The following CCDC148 variants were observed in gnomAD, a reference collection of about 807,000 sequenced individuals.
The protein encoded by CCDC148 is coiled-coil domain containing 148.
CCDC148 carries 89 observed loss-of-function variants against 85.7 expected under a neutral mutation model. That is an observed-to-expected ratio of 1.04 (90% CI 0.87 to 1.24). The LOEUF is 1.24. Ranked by LOEUF, CCDC148 falls within the 50% of genes most tolerant of loss-of-function variation. CCDC148 has a pLI of 0.00. For synonymous variants in CCDC148, 230 were observed against 213.9 expected (o/e 1.08, Z -0.66); for missense variants, 692 against 671.7 (o/e 1.03, Z -0.33).
intron 7 of CCDC148, among the ~76,000 whole-genome samples, chr2:158,317,741 C>T (rs116005835): frequency 0.012 from 1,767 of 152,254 alleles, 19 homozygotes; most frequent in South Asian, 0.034. Flanking sequence ...GTAACAGATA[C>T]TTTAACAACA....
chr2:158,288,674 C>T (rs1324499012), intron 9 of CCDC148: 1 of 238,588 alleles, frequency 4.2e-6, no homozygotes, highest in Non-Finnish European at 8.3e-6. Flanking sequence ...CCCACATTTT[C>T]CCGTCTTCTT....
intron 11 of CCDC148, among the ~76,000 whole-genome samples, chr2:158,220,111 T>C (rs1175075012): frequency 6.6e-6 from 1 of 152,218 alleles, no homozygotes; most frequent in East Asian, 1.9e-4. Flanking sequence ...CCTTTCCAGA[T>C]CTAAAATTAC....
At chr2:158,262,567 G>A (rs924232334) in intron 9 of CCDC148, among the ~76,000 whole-genome samples, 6 of 152,000 alleles carry the variant, frequency 3.9e-5, no homozygotes, top group Admixed American at 3.9e-4. Flanking sequence ...AAGAAAAGAA[G>A]TTTCATTGAC....
chr2:158,360,333 C>T (rs897380650), intron 1 of CCDC148, among the ~76,000 whole-genome samples: 1 of 152,180 alleles, frequency 6.6e-6, no homozygotes, highest in Admixed American at 6.5e-5. Flanking sequence ...AGGGGTCAGA[C>T]TGCCTCCTCA....
At chr2:158,300,524 C>T (rs1255586619) in intron 9 of CCDC148, among the ~76,000 whole-genome samples, 2 of 152,144 alleles carry the variant, frequency 1.3e-5, no homozygotes, top group African/African-American at 4.8e-5. Flanking sequence ...CTGTATCAGA[C>T]ATTTGAGCTG....
At chr2:158,294,640 A>G (rs1052889062) in intron 9 of CCDC148, among the ~76,000 whole-genome samples, 8 of 152,112 alleles carry the variant, frequency 5.3e-5, no homozygotes, top group African/African-American at 1.9e-4. Flanking sequence ...CCGGGGCAAC[A>G]TGGTGAAACC....
At chr2:158,182,845 A>C (rs1684969849) in intron 11 of CCDC148, among the ~76,000 whole-genome samples, 1 of 152,164 alleles carries the variant, frequency 6.6e-6, no homozygotes, top group Non-Finnish European at 1.5e-5. Context: ...AACTCCTGGG[A>C]GGAAGCCAAA....
At chr2:158,389,921 GA>G (rs1685237000) in intron 1 of CCDC148, among the ~76,000 whole-genome samples, 1 of 152,118 alleles carries the variant, frequency 6.6e-6, no homozygotes, top group South Asian at 2.1e-4. Flanking sequence ...TGCCTTTCCA[GA>G]AACAGAAAAG....
chr2:158,219,143 T>G (rs1432831869), intron 11 of CCDC148, among the ~76,000 whole-genome samples: 1 of 152,198 alleles, frequency 6.6e-6, no homozygotes, highest in African/African-American at 2.4e-5. Context: ...GATTTTAGGT[T>G]CGGAGTGAAA....
intron 1 of CCDC148, among the ~76,000 whole-genome samples, chr2:158,391,687 T>C (rs1004626285): frequency 6.6e-6 from 1 of 152,214 alleles, no homozygotes; most frequent in Non-Finnish European, 1.5e-5. Context: ...TTTGTTGCAA[T>C]ATCATGACAT....
chr2:158,392,408 C>T (rs7570907), intron 1 of CCDC148, among the ~76,000 whole-genome samples: 7,873 of 152,006 alleles, frequency 0.052, 374 homozygotes, highest in African/African-American at 0.12. Context: ...GTTGAGCATC[C>T]CAAATCCCAA....
intron 1 of CCDC148, among the ~76,000 whole-genome samples, chr2:158,407,072 T>C (rs1387680452): frequency 6.6e-6 from 1 of 152,120 alleles, no homozygotes; most frequent in Non-Finnish European, 1.5e-5. Flanking sequence ...TTTCTCTCTT[T>C]CTACCGCTGG....
intron 1 of CCDC148, among the ~76,000 whole-genome samples, chr2:158,371,079 G>A (rs906988640): frequency 6.6e-6 from 1 of 151,798 alleles, no homozygotes; most frequent in East Asian, 1.9e-4. Flanking sequence ...CTAAGCAGAG[G>A]CAATAGCTAT....
chr2:158,439,377 C>G (rs116163712), intron 1 of CCDC148, among the ~76,000 whole-genome samples: 11,346 of 152,148 alleles, frequency 0.075, 567 homozygotes, highest in Middle Eastern at 0.11. Context: ...ATTGCAGGGA[C>G]AGGAAACCAA....
intron 10 of CCDC148, among the ~76,000 whole-genome samples, chr2:158,221,886 G>A (rs1378574471): frequency 6.8e-6 from 1 of 146,330 alleles, no homozygotes. Flanking sequence ...ACCCAAGATG[G>A]AGAGAGAGAG....
intron 10 of CCDC148, among the ~76,000 whole-genome samples, chr2:158,224,985 T>C (rs1458212400): frequency 1.3e-5 from 2 of 152,016 alleles, no homozygotes; most frequent in Non-Finnish European, 2.9e-5. Flanking sequence ...GGCTAAATGC[T>C]CCAATTAAAA....
intron 1 of CCDC148, among the ~76,000 whole-genome samples, chr2:158,410,420 G>T (rs1686207796): frequency 1.3e-5 from 2 of 152,010 alleles, no homozygotes; most frequent in African/African-American, 2.4e-5. Context: ...TTTTGCACTT[G>T]CCTCTCTACC....
At chr2:158,351,179 T>C (rs1043098725) in intron 2 of CCDC148, among the ~76,000 whole-genome samples, 2 of 152,138 alleles carry the variant, frequency 1.3e-5, no homozygotes, top group African/African-American at 2.4e-5. Flanking sequence ...CACTGACTCC[T>C]CTCCCTCCCC....
rs544442263 is a variant in CCDC148 at position 158,184,188 on chromosome 2, G to C, written c.1371-5192C>G. ...CACAAGACACTGACATCCTGGTACA[G>C]ATTGGCATGAGGCAAGAACAAAGAA... On this transcript the variant is annotated intron_variant, in intron 11 of 13. Coordinates refer to ENST00000283233, the MANE Select transcript of CCDC148 (RefSeq NM_138803.4). Among the ~76,000 whole-genome samples the C allele has an allele frequency of 2.0e-5, 3 of 152,090 alleles. No homozygotes were observed. The South Asian group carries it at 6.2e-4, about 32-fold the overall frequency.
Sources: gnomAD v4.1 joint callset for allele counts (sites outside exome capture counted in the v4.1 genomes callset) on GRCh38, gnomAD v4.1.1 for gene constraint, MANE v1.5 for transcripts, NCBI Gene and HGNC (gene_info 2026-07-23, HGNC 2026-07-21) for gene names.